Variants in DENND5A observed in about 807,000 individuals in gnomAD.
The protein encoded by DENND5A is DENN domain-containing protein 5A.
In DENND5A, 64 loss-of-function variants were observed where a neutral mutation model predicts 140.3. The observed-to-expected ratio is 0.46, with a 90% CI of 0.37 to 0.56. The LOEUF is 0.56. Ranked by LOEUF, DENND5A falls within the 20% of genes least tolerant of loss-of-function variation. DENND5A has a pLI of 0.00. For synonymous variants in DENND5A, 605 were observed against 607.7 expected (o/e 1.00, Z 0.07); for missense variants, 1,292 against 1,593.8 (o/e 0.81, Z 3.22).
At chr11:9,196,701 C>T (rs1333111321) in intron 4 of DENND5A, among the ~76,000 whole-genome samples, 1 of 152,070 alleles carries the variant, frequency 6.6e-6, no homozygotes, top group Non-Finnish European at 1.5e-5. Context: ...ACCTCTGTCT[C>T]CTGGGTTCAA....
At chr11:9,241,895 T>C (rs1330705790) in intron 1 of DENND5A, among the ~76,000 whole-genome samples, 1 of 151,714 alleles carries the variant, frequency 6.6e-6, no homozygotes, top group African/African-American at 2.4e-5. Flanking sequence ...ATGCCTGTAA[T>C]CCTAGCTATT....
At chr11:9,193,068 T>TA (rs1849194986) in intron 5 of DENND5A, among the ~76,000 whole-genome samples, 2 of 151,470 alleles carry the variant, frequency 1.3e-5, no homozygotes, top group East Asian at 2.0e-4. Flanking sequence ...CTACAAGACA[T>TA]AAAAAAACAA....
chr11:9,226,410 T>C (rs1259272233), intron 1 of DENND5A, among the ~76,000 whole-genome samples: 2 of 152,168 alleles, frequency 1.3e-5, no homozygotes, highest in Admixed American at 6.5e-5. Context: ...CTCCTCTTAA[T>C]CGATTTGTTC....
chr11:9,205,614 C>G (rs1233403946), intron 3 of DENND5A, among the ~76,000 whole-genome samples: 1 of 152,128 alleles, frequency 6.6e-6, no homozygotes, highest in Non-Finnish European at 1.5e-5. Context: ...AATAGAAGGC[C>G]AGGTGCAGTG....
At chr11:9,234,193 A>G (rs62990261) in intron 1 of DENND5A, among the ~76,000 whole-genome samples, 2 of 148,168 alleles carry the variant, frequency 1.3e-5, no homozygotes, top group African/African-American at 4.9e-5. Context: ...AAAAAAAAAA[A>G]GGCAACTAAT....
At chr11:9,142,143 C>T in intron 21 of DENND5A, 35 bp from the exon 22 acceptor site, 1 of 1,536,426 alleles carries the variant, frequency 6.5e-7, no homozygotes, top group Admixed American at 1.9e-5. Context: ...AGTGAAAAGG[C>T]TCTCAACACC....
chr11:9,230,597 T>A (rs765985592), intron 1 of DENND5A, among the ~76,000 whole-genome samples: 7 of 152,138 alleles, frequency 4.6e-5, no homozygotes, highest in Non-Finnish European at 5.9e-5. Context: ...CATTGAACCT[T>A]AAGATGGGTG....
intron 3 of DENND5A, among the ~76,000 whole-genome samples, chr11:9,205,433 C>A (rs1237211602): frequency 1.3e-5 from 2 of 152,162 alleles, no homozygotes; most frequent in Non-Finnish European, 2.9e-5. Context: ...TAGAACATAG[C>A]ATGTTAAAAT....
intron 12 of DENND5A, among the ~76,000 whole-genome samples, chr11:9,153,515 T>C (rs1847703403): frequency 6.6e-6 from 1 of 152,158 alleles, no homozygotes; most frequent in Non-Finnish European, 1.5e-5. Flanking sequence ...TTCCTTTAAA[T>C]ATTGTTCTAG....
rs1175443820 is a variant in DENND5A at position 9,145,099 on chromosome 11, C to T, written c.3018G>A (p.Gly1006=). The change falls in exon 18 of 23, where the codon GGG becomes GGA. Residue 1006 remains glycine, a synonymous_variant. Transcript: ENST00000328194. ...GGCCAATCTGGACAGTAGTAAGCTT[C>T]CCCAAGTTCTGGCACTATTAGAGAA... ...LEMTFECQNL[G]KLTTVQIGHD... The T allele has an allele frequency of 1.9e-6, 3 of 1,613,096 alleles. No homozygotes were observed. Among genetic ancestry groups the T allele is most frequent in the Admixed American group, 1.7e-5 (1 of 60,018 alleles).
intron 12 of DENND5A, among the ~76,000 whole-genome samples, chr11:9,157,689 T>C (rs1847855212): frequency 6.6e-6 from 1 of 152,218 alleles, no homozygotes; most frequent in South Asian, 2.1e-4. Context: ...CTGTGTAGTG[T>C]TGTATGGTGT....
In DENND5A at chr11:9,252,943, T is replaced by C. The variant is rs535889193; in HGVS notation, c.109+12018A>G. ...TGGCTCACCACAGTCTGGACCTCCC[T>C]GGACTCAGCTGATCTGCCAACCTCA... On this transcript the variant is annotated intron_variant, in intron 1 of 22. Coordinates refer to ENST00000328194, the MANE Select transcript of DENND5A (RefSeq NM_015213.4). 2.4e-3 allele frequency among the ~76,000 whole-genome samples: 364 copies of C among 151,526 alleles called. 1 individual carries two copies. Among genetic ancestry groups the C allele is most frequent in the Non-Finnish European group, 4.4e-3 (297 of 67,950 alleles).
chr11:9,192,648 C>CA (rs898792165), intron 5 of DENND5A, among the ~76,000 whole-genome samples: 28 of 137,186 alleles, frequency 2.0e-4, no homozygotes, highest in South Asian at 4.6e-4. Context: ...CAAAAAAAAA[C>CA]AAAAAAAAAA....
chr11:9,142,659 T>C (rs1590201669), intron 21 of DENND5A, 63 bp downstream of exon 21: 2 of 1,602,878 alleles, frequency 1.2e-6, no homozygotes, highest in Non-Finnish European at 8.5e-7. Flanking sequence ...ACCCATGCTA[T>C]GCTGGTGAGT....
Position 9,178,249 on chromosome 11 carries a change from TATC to T in DENND5A, c.1786_1788del (p.Asp596del). 1.9e-6 allele frequency: 3 copies of T among 1,613,686 alleles called. No individual in the cohort carries two copies. Among genetic ancestry groups the T allele is most frequent in the Non-Finnish European group, 2.5e-6 (3 of 1,179,580 alleles). ...TCAAATACCCGGAGTACAGGGTCTT[TATC>T]ATCATCATCATGACACATTATTTTG... On this transcript the variant is annotated inframe_deletion, in exon 8 of 23. Coordinates refer to ENST00000328194, the MANE Select transcript of DENND5A (RefSeq NM_015213.4).
At chr11:9,264,869 C>G (rs1231656130) in intron 1 of DENND5A, 92 bp downstream of exon 1, 6 of 1,207,616 alleles carry the variant, frequency 5.0e-6, no homozygotes, top group African/African-American at 4.8e-5. Flanking sequence ...TCGCCCGGCT[C>G]CCGGGACAAA....
At chr11:9,199,735 C>T (rs552432860) in intron 4 of DENND5A, among the ~76,000 whole-genome samples, 12 of 152,252 alleles carry the variant, frequency 7.9e-5, no homozygotes, top group Non-Finnish European at 1.6e-4. Context: ...ATTCAGAGGG[C>T]AGGACATGCA....
chr11:9,231,406 A>G (rs557160267), intron 1 of DENND5A, among the ~76,000 whole-genome samples: 2 of 152,308 alleles, frequency 1.3e-5, no homozygotes, highest in South Asian at 2.1e-4. Flanking sequence ...CCCATAGCAC[A>G]TAAGCAGATT....
intron 1 of DENND5A, among the ~76,000 whole-genome samples, chr11:9,219,427 T>C (rs571345319): frequency 6.6e-6 from 1 of 152,336 alleles, no homozygotes; most frequent in East Asian, 1.9e-4. Context: ...GGGAAAATTA[T>C]TTCCAGTTAG....
Sources: gnomAD v4.1 joint callset for allele counts (sites outside exome capture counted in the v4.1 genomes callset) on GRCh38, gnomAD v4.1.1 for gene constraint, MANE v1.5 for transcripts, NCBI Gene and HGNC (gene_info 2026-07-23, HGNC 2026-07-21) for gene names.